The following ZNF160 variants were observed in gnomAD, a reference collection of about 807,000 sequenced individuals.
ZNF160 encodes the protein KRAB zinc finger protein KR18.
In ZNF160, 9 loss-of-function variants were observed where a neutral mutation model predicts 13.1. The observed-to-expected ratio is 0.69, with a 90% CI of 0.41 to 1.20. The LOEUF (loss-of-function observed/expected upper bound fraction) is 1.20. ZNF160 is among the 50% of genes most tolerant of loss of function. ZNF160 has a pLI of 0.01. For missense variants in ZNF160, 838 were observed against 988.0 expected (o/e 0.85, Z 2.04); for synonymous variants, 293 against 333.2 (o/e 0.88, Z 1.31).
intron 1 of ZNF160, among the ~76,000 whole-genome samples, chr19:53,102,209 T>C (rs1188489512): frequency 6.6e-6 from 1 of 152,088 alleles, no homozygotes; most frequent in African/African-American, 2.4e-5. Context: ...ATCGTCCCAA[T>C]CTCCATCTAT....
At position 53,074,195 on chromosome 19, in the gene ZNF160, A is replaced by G; in HGVS notation, c.216T>C (p.Cys72=). 1 of 1,614,030 alleles carries G rather than the reference A, an allele frequency of 6.2e-7. No homozygotes were observed. The highest frequency in any genetic ancestry group is 1.1e-5 in the South Asian group (1 of 91,086). The change falls in exon 5 of 6, where the codon TGT becomes TGC. Residue 72 remains cysteine (C), a synonymous_variant. Transcript: ENST00000683776. The part of the protein sequence containing the change: ...EGKEPWTVKS[C]VKIARKPRTP... ...TTCTTGGTTTTCTTGCTATTTTCAC[A>G]CAGCTCTTCACAGTCCAGGGCTCTT...
rs537299847 is a variant in ZNF160 at position 53,096,605 on chromosome 19, G to A, written c.-353-4885C>T. On this transcript the variant is annotated intron_variant, in intron 1 of 5. Transcript: ENST00000683776. Reference sequence around the variant, plus strand: ...CTAAGATTTCTCACTTGGCAATGATGTTGGCTTGAATATTATTCACAGACC... The same window carrying A: ...CTAAGATTTCTCACTTGGCAATGATATTGGCTTGAATATTATTCACAGACC... 2.6e-3 allele frequency among the ~76,000 whole-genome samples: 367 copies of A among 142,444 alleles called. 5 individuals carry two copies. The highest frequency in any genetic ancestry group is 9.1e-3 in the African/African-American group (345 of 37,852). The allele number at this position is 142,444 out of a possible 152,430, so 93.4% of individuals were successfully genotyped here.
chr19:53,095,237 C>T (rs1485007803), intron 1 of ZNF160: 1 of 108,024 alleles, frequency 9.3e-6, no homozygotes, highest in Non-Finnish European at 1.8e-5. Flanking sequence ...GCACCCCTTT[C>T]CCATTGCCCA....
At chr19:53,102,474 T>C (rs1001449811) in intron 1 of ZNF160, among the ~76,000 whole-genome samples, 10 of 152,196 alleles carry the variant, frequency 6.6e-5, no homozygotes, top group African/African-American at 2.4e-4. Flanking sequence ...CCTTCTTTGC[T>C]GTCCCTCTCC....
chr19:53,088,351 C>G (rs2084917832), intron 2 of ZNF160, among the ~76,000 whole-genome samples: 1 of 151,994 alleles, frequency 6.6e-6, no homozygotes, highest in Admixed American at 6.6e-5. Context: ...AAGCTAGATT[C>G]AAGCAACAAT....
At position 53,069,064 on chromosome 19, in the gene ZNF160, G is replaced by A. The variant is rs1210238183; in HGVS notation, c.1470C>T (p.Phe490=). The A allele has an allele frequency of 6.2e-7, 1 of 1,614,112 alleles. No individual in the cohort carries two copies. Residue 490 remains phenylalanine, a synonymous_variant, in exon 6 of 6, where the codon TTC becomes TTT. Coordinates refer to ENST00000683776, the MANE Select transcript of ZNF160 (RefSeq NM_001322131.2). This position sits in a 1 kb window ranked among gnomAD's most constrained non-coding sequence, Gnocchi z 4.4. The part of the protein sequence containing the change: ...PFKCNECSKV[F]TQNSQLANHR... ...GATTTGCAAGTTGTGAATTTTGAGTGAAAACCTTGCTGCATTCATTGCATT... is the reference window on the plus strand; with the variant it reads ...GATTTGCAAGTTGTGAATTTTGAGTAAAAACCTTGCTGCATTCATTGCATT...
chr19:53,086,100 G>A lies in ZNF160; in HGVS notation c.15+162C>T, dbSNP rs928124758. 9 of 1,349,646 alleles carry A rather than the reference G, an allele frequency of 6.7e-6. No individual in the cohort carries two copies. The African/African-American group carries it at 8.7e-5, about 13-fold the overall frequency. 83.6% of individuals were successfully genotyped at this position (1,349,646 alleles called of 1,614,324 possible). A position where few individuals can be genotyped will look rare whatever the true frequency, so the allele number is the denominator to read the frequency against. On this transcript the variant is annotated intron_variant, in intron 3 of 5. Transcript: ENST00000683776. Reference sequence around the variant, plus strand: ...CCAAGTTCATGTCACTGGATCACGGGAGATGGAATCTAAACGAGATGAGAG... The same window carrying A: ...CCAAGTTCATGTCACTGGATCACGGAAGATGGAATCTAAACGAGATGAGAG...
chr19:53,087,887 C>T (rs2084901225), intron 2 of ZNF160, among the ~76,000 whole-genome samples: 1 of 152,128 alleles, frequency 6.6e-6, no homozygotes, highest in African/African-American at 2.4e-5. Flanking sequence ...AATGGAGATG[C>T]CTGTTGGGAC....
At position 53,086,335 on chromosome 19, in the gene ZNF160, A is replaced by G. The variant is rs549439237; in HGVS notation, c.-45-14T>C. On this transcript the variant is annotated splice_polypyrimidine_tract_variant and intron_variant, in intron 2 of 5. Coordinates refer to ENST00000683776, the MANE Select transcript of ZNF160 (RefSeq NM_001322131.2). Reference sequence around the variant, plus strand: ...CCAGACTTCTTCCTTGGGTAACATAAAAGAGTCTTTAGAAGTCAATACTGA... The same window carrying G: ...CCAGACTTCTTCCTTGGGTAACATAGAAGAGTCTTTAGAAGTCAATACTGA... 13 of 1,553,452 alleles carry G rather than the reference A, an allele frequency of 8.4e-6. No individual in the cohort carries two copies. In the East Asian group the frequency reaches 2.2e-4, roughly 27 times the overall value.
rs1453393758 is a variant in ZNF160 at position 53,068,867 on chromosome 19, C to CGAT, written c.1664_1666dup (p.His555dup). The CGAT allele has an allele frequency of 6.2e-7, 1 of 1,613,910 alleles. No homozygotes were observed. Among genetic ancestry groups the CGAT allele is most frequent in the African/African-American group, 1.3e-5 (1 of 74,864 alleles). ...AGGTTTCTCTCCAGAATGAATTCCC[C>CGAT]GATGACTTCTAAGGTGTGATTTTTG... On this transcript the variant is annotated inframe_insertion, in exon 6 of 6. Transcript: ENST00000683776.
At chr19:53,101,302 A>T (rs985640014) in intron 1 of ZNF160, among the ~76,000 whole-genome samples, 2 of 152,010 alleles carry the variant, frequency 1.3e-5, no homozygotes, top group Non-Finnish European at 2.9e-5. Flanking sequence ...AAATAAATAA[A>T]AATGAATAAA....
intron 5 of ZNF160, chr19:53,072,912 T>C: frequency 1.3e-6 from 1 of 791,154 alleles, no homozygotes; most frequent in Non-Finnish European, 1.5e-6. Context: ...AGAAGCATTT[T>C]TATTTAGAAC....
At chr19:53,090,674 T>C (rs954030219) in intron 2 of ZNF160, among the ~76,000 whole-genome samples, 2 of 151,974 alleles carry the variant, frequency 1.3e-5, no homozygotes, top group Non-Finnish European at 2.9e-5. Context: ...GCCTGCAGGA[T>C]AGAGGGCAAG....
At chr19:53,087,372 CTTAATTT>C (rs1026991234) in intron 2 of ZNF160, among the ~76,000 whole-genome samples, 2 of 152,108 alleles carry the variant, frequency 1.3e-5, no homozygotes, top group African/African-American at 2.4e-5. Flanking sequence ...TAAGTAAATG[CTTAATTT>C]TTTCTTCATT....
At chr19:53,087,431 T>C (rs906716671) in intron 2 of ZNF160, among the ~76,000 whole-genome samples, 1 of 152,242 alleles carries the variant, frequency 6.6e-6, no homozygotes, top group Admixed American at 6.5e-5. Context: ...TTGCATATTT[T>C]AAACATGACA....
chr19:53,074,813 G>A (rs1472725793), intron 4 of ZNF160, among the ~76,000 whole-genome samples: 2 of 152,012 alleles, frequency 1.3e-5, no homozygotes, highest in African/African-American at 4.8e-5. Context: ...CATTTCAAAA[G>A]TCTAACACAA....
intron 3 of ZNF160, among the ~76,000 whole-genome samples, chr19:53,082,737 C>A (rs1259174547): frequency 6.6e-6 from 1 of 152,200 alleles, no homozygotes; most frequent in East Asian, 1.9e-4. Context: ...AGCAAGCAAT[C>A]AATTGTGCAG....
intron 3 of ZNF160, among the ~76,000 whole-genome samples, chr19:53,076,169 C>G (rs2084380499): frequency 6.6e-6 from 1 of 152,070 alleles, no homozygotes; most frequent in Non-Finnish European, 1.5e-5. Flanking sequence ...ATTCTTTTAC[C>G]TAAGAGGTTG....
At chr19:53,078,582 G>C (rs1444935723) in intron 3 of ZNF160, among the ~76,000 whole-genome samples, 1 of 152,094 alleles carries the variant, frequency 6.6e-6, no homozygotes, top group African/African-American at 2.4e-5. Context: ...CTCCAGCTTT[G>C]GGTGACAGAG....
Sources: gnomAD v4.1 joint callset for allele counts (sites outside exome capture counted in the v4.1 genomes callset) on GRCh38, gnomAD v4.1.1 for gene constraint, Gnocchi (gnomAD v3.1) non-coding constraint, MANE v1.5 for transcripts, NCBI Gene and HGNC (gene_info 2026-07-23, HGNC 2026-07-21) for gene names.